CPNE9: variants seen among roughly 807,000 people sequenced by gnomAD.
CPNE9 encodes the protein copine family member 9.
Under a neutral mutation model 83.0 loss-of-function variants are expected in CPNE9, and 59 were observed. That is an observed-to-expected ratio of 0.71 (90% CI 0.58 to 0.88). The LOEUF is 0.88. Ranked by LOEUF, CPNE9 falls within the 40% of genes least tolerant of loss-of-function variation. The pLI, the probability that CPNE9 is intolerant of heterozygous loss-of-function variation, is 0.00. For missense variants in CPNE9, 619 were observed against 720.8 expected, an observed-to-expected ratio of 0.86 and a Z score of 1.62; for synonymous variants, 256 against 273.4, an observed-to-expected ratio of 0.94 and a Z score of 0.63.
At position 9,726,649 on chromosome 3, in the gene CPNE9, CCT is replaced by C. The variant is rs1237202639; in HGVS notation, c.1345-13_1345-12del. On this transcript the variant is annotated splice_polypyrimidine_tract_variant and intron_variant, in intron 18 of 20. Coordinates refer to ENST00000383832, the MANE Select transcript of CPNE9 (RefSeq NM_153635.3). ...ATGCCTGCTTGCCCCAACAGTTCAC[CCT>C]CTTTCCCCTACAGGCCTCCTCATTG... 5.0e-6 allele frequency: 8 copies of C among 1,610,360 alleles called. No individual in the cohort carries two copies. The highest frequency in any genetic ancestry group is 3.3e-5 in the South Asian group (3 of 90,964).
rs760258711 is a variant in CPNE9 at position 9,704,010 on chromosome 3, G to A, written c.14G>A (p.Gly5Glu). Residue 5 changes from glycine (G) to glutamate (E), a missense_variant, in exon 1 of 21, where the codon GGA becomes GAA. This residue lies in a region of CPNE9 where 130 missense variants were observed against 117.5 expected (regional missense o/e 1.11). Transcript: ENST00000383832. This position sits in a 1 kb window ranked among gnomAD's most constrained non-coding sequence, Gnocchi z 7.1. Reference sequence around the variant, plus strand: ...GCCCGACCAGCCATGTCTCTCGGCGGAGCCTCCGAGCGCAGCGTCCCGGCC... The same window carrying A: ...GCCCGACCAGCCATGTCTCTCGGCGAAGCCTCCGAGCGCAGCGTCCCGGCC... The part of the protein sequence containing the change: MSLG[G>E]ASERSVPATK... The A allele has an allele frequency of 6.2e-7, 1 of 1,606,934 alleles. No individual in the cohort carries two copies. Among genetic ancestry groups the A allele is most frequent in the South Asian group, 1.1e-5 (1 of 90,078 alleles).
chr3:9,705,821 A>C (rs2076558023), intron 6 of CPNE9, 101 bp downstream of exon 6: 1 of 1,425,308 alleles, frequency 7.0e-7, no homozygotes, highest in South Asian at 1.2e-5. Flanking sequence ...TTGCTCGCAG[A>C]CCCCTTCTTT....
chr3:9,718,466 C>A lies in CPNE9; in HGVS notation c.1114-9C>A. The A allele has an allele frequency of 6.2e-7, 1 of 1,611,786 alleles. No homozygotes were observed. The highest frequency in any genetic ancestry group is 1.1e-5 in the South Asian group (1 of 90,950). On this transcript the variant is annotated splice_polypyrimidine_tract_variant and intron_variant, in intron 16 of 20. Coordinates refer to ENST00000383832, the MANE Select transcript of CPNE9 (RefSeq NM_153635.3). ...TGGGCTCAGCCTGGCAGGGCATATT[C>A]TTTGACAGAACAACAATGATGAGGA...
Position 9,713,093 on chromosome 3 carries a change from T to G in CPNE9, c.650+14T>G. ...AGACTATGACAGGTTGGCTCCAGCA[T>G]AAGCTGGGGAGTAAGGAGCCAAGGA... On this transcript the variant is annotated intron_variant, in intron 10 of 20. Coordinates refer to ENST00000383832, the MANE Select transcript of CPNE9 (RefSeq NM_153635.3). 1.2e-6 allele frequency: 2 copies of G among 1,600,572 alleles called. No homozygotes were observed. The highest frequency in any genetic ancestry group is 1.7e-6 in the Non-Finnish European group (2 of 1,167,956).
chr3:9,705,522 G>A, intron 5 of CPNE9, 22 bp downstream of exon 5: 1 of 1,608,944 alleles, frequency 6.2e-7, no homozygotes, highest in East Asian at 2.2e-5. Context: ...TTTCCTCGAG[G>A]GTTGGCGGAG....
rs750827553 is a variant in CPNE9, at chr3:9,704,910, T to C, written c.176T>C (p.Ile59Thr). ...ACCCAGTTCGGACGGACCGAGGTGA[T>C]TGATAACACGCTGAACCCAGACTTC... ...EWREFGRTEV[I>T]DNTLNPDFVR... Residue 59 changes from isoleucine to threonine, a missense_variant, in exon 4 of 21, where the codon ATT becomes ACT. Physicochemically the swap from Ile to Thr is moderately conservative, Grantham distance 89 (BLOSUM62 -1). Transcript: ENST00000383832. The surrounding 1 kb of genome is among the most constrained non-coding windows in gnomAD (Gnocchi z 7.1). 25 of 1,613,362 alleles carry C rather than the reference T, an allele frequency of 1.5e-5. No homozygotes were observed. The highest frequency in any genetic ancestry group is 2.2e-5 in the East Asian group (1 of 44,852).
chr3:9,725,629 T>C lies in CPNE9; in HGVS notation c.1242-320T>C, dbSNP rs1460105095. The stretch of plus-strand genomic sequence containing the variant: ...GTATGTGTATACATGTGTATATATA[T>C]GTATATACATGTATGTGTATATATG... On this transcript the variant is annotated intron_variant, in intron 17 of 20. Coordinates refer to ENST00000383832, the MANE Select transcript of CPNE9 (RefSeq NM_153635.3). Among the ~76,000 whole-genome samples, 4 of 137,376 alleles carry C rather than the reference T, an allele frequency of 2.9e-5. No individual in the cohort carries two copies. The East Asian group carries it at 5.9e-4, about 20-fold the overall frequency. The allele number at this position is 137,376 out of a possible 152,430, so 90.1% of individuals were successfully genotyped here. A position where few individuals can be genotyped will look rare whatever the true frequency, so the allele number is the denominator to read the frequency against.
chr3:9,711,385 T>TC (rs1253874404), intron 7 of CPNE9, among the ~76,000 whole-genome samples: 1 of 151,878 alleles, frequency 6.6e-6, no homozygotes. Context: ...TCTTTTTTTT[T>TC]TTTGCAGTTT....
At position 9,704,170 on chromosome 3, in the gene CPNE9, A is replaced by T. The variant is rs775915531; in HGVS notation, c.68+106A>T. 16 of 1,071,616 alleles carry T rather than the reference A, an allele frequency of 1.5e-5. No homozygotes were observed. The highest frequency in any genetic ancestry group is 2.0e-5 in the Non-Finnish European group (15 of 743,490). 66.4% of individuals were successfully genotyped at this position (1,071,616 alleles called of 1,614,324 possible). A position where few individuals can be genotyped will look rare whatever the true frequency, so the allele number is the denominator to read the frequency against. The stretch of plus-strand genomic sequence containing the variant: ...GGCTAGACCCCCGGGGAGAGGCGAA[A>T]TTGGCTGGAAAATCACAGCTGATGA... On this transcript the variant is annotated intron_variant, in intron 1 of 20. Transcript: ENST00000383832. The surrounding 1 kb of genome is among the most constrained non-coding windows in gnomAD (Gnocchi z 7.1).
chr3:9,705,925 G>C (rs2076559555), intron 6 of CPNE9, 62 bp from the exon 7 acceptor site: 2 of 1,558,662 alleles, frequency 1.3e-6, no homozygotes, highest in South Asian at 2.2e-5. Flanking sequence ...AGCATCACTG[G>C]GGCTAGGCTG....
At chr3:9,726,239 G>C (rs1452209680) in intron 18 of CPNE9, among the ~76,000 whole-genome samples, 188 bp downstream of exon 18, 1 of 152,178 alleles carries the variant, frequency 6.6e-6, no homozygotes, top group Non-Finnish European at 1.5e-5. Flanking sequence ...TGGAGTATTA[G>C]CATTTGCTTG....
chr3:9,714,664 A>C (rs1387964101), intron 10 of CPNE9, among the ~76,000 whole-genome samples: 34 of 138,486 alleles, frequency 2.5e-4, no homozygotes, highest in African/African-American at 8.9e-4. Context: ...AAAAAAAAAA[A>C]AAAACCAACC....
Position 9,718,538 on chromosome 3 carries a change from A to G in CPNE9, c.1177A>G (p.Ser393Gly). ...IEGVLESYFQSLRTVQLYGPT... is the reference protein window; with the variant it reads ...IEGVLESYFQGLRTVQLYGPT... ...GGGTGTGCTGGAGAGCTATTTCCAG[A>G]GCCTGCGCACAGTGCAGCTCTATGG... Residue 393 changes from serine to glycine, a missense_variant, in exon 17 of 21, where the codon AGC (serine) becomes GGC (glycine). Around this residue, in one of 3 missense-constraint regions of CPNE9, gnomAD observed 438 missense variants for 562.9 expected, o/e 0.78. Coordinates refer to ENST00000383832, the MANE Select transcript of CPNE9 (RefSeq NM_153635.3). 6.2e-7 allele frequency: 1 copy of G among 1,613,784 alleles called. No homozygotes were observed. The highest frequency in any genetic ancestry group is 8.5e-7 in the Non-Finnish European group (1 of 1,179,994).
chr3:9,712,636 C>G, intron 8 of CPNE9, 32 bp downstream of exon 8: 1 of 1,609,030 alleles, frequency 6.2e-7, no homozygotes, highest in Non-Finnish European at 8.5e-7. Context: ...GACCCAGGAG[C>G]TCCCTTCTCT....
At chr3:9,726,105 G>A in intron 18 of CPNE9, 54 bp downstream of exon 18, 1 of 1,139,050 alleles carries the variant, frequency 8.8e-7, no homozygotes, top group Non-Finnish European at 1.2e-6. Flanking sequence ...TACTGTGAAG[G>A]GGCTGAGATT....
At chr3:9,715,385 C>T in intron 12 of CPNE9, 21 bp downstream of exon 12, 2 of 1,613,908 alleles carry the variant, frequency 1.2e-6, no homozygotes, top group South Asian at 1.1e-5. Context: ...CAGCCCTGCC[C>T]AGGTCACCCA....
At chr3:9,712,446 A>G (rs2076638851) in intron 7 of CPNE9, 95 bp from the exon 8 acceptor site, 2 of 987,048 alleles carry the variant, frequency 2.0e-6, no homozygotes, top group Admixed American at 1.7e-5. Context: ...GTAAATGGCA[A>G]ACTGAATCCC....
At chr3:9,705,021 T>C (rs550597433) in intron 4 of CPNE9, 27 bp downstream of exon 4, 1 of 1,540,070 alleles carries the variant, frequency 6.5e-7, no homozygotes, top group South Asian at 1.2e-5. Flanking sequence ...AATTCTGGCT[T>C]GGCCCGCCCC....
intron 7 of CPNE9, among the ~76,000 whole-genome samples, chr3:9,708,152 G>T (rs1243295078): frequency 6.6e-6 from 1 of 152,190 alleles, no homozygotes; most frequent in Non-Finnish European, 1.5e-5. Context: ...GGGCCTCATT[G>T]TGTTTTTCAG....
Sources: gnomAD v4.1 joint callset for allele counts (sites outside exome capture counted in the v4.1 genomes callset) on GRCh38, gnomAD v4.1.1 for gene constraint, gnomAD v4.1.1 regional missense constraint, Gnocchi (gnomAD v3.1) non-coding constraint, MANE v1.5 for transcripts, NCBI Gene and HGNC (gene_info 2026-07-23, HGNC 2026-07-21) for gene names.